Variants in ROBO1 observed in about 807,000 individuals in gnomAD.
ROBO1 encodes the protein roundabout homolog 1.
In ROBO1, 149 loss-of-function variants were observed where a neutral mutation model predicts 195.9. That is an observed-to-expected ratio of 0.76 (90% CI 0.67 to 0.87). ROBO1 has a LOEUF of 0.87. ROBO1 is among the 40% of genes least tolerant of loss of function. The pLI is 0.00. For synonymous variants in ROBO1, 816 were observed against 733.2 expected (o/e 1.11, Z -1.82); for missense variants, 1,933 against 2,068.3 (o/e 0.93, Z 1.27).
intron 2 of ROBO1, among the ~76,000 whole-genome samples, chr3:79,428,515 T>C (rs1468363580): frequency 6.6e-6 from 1 of 152,174 alleles, no homozygotes; most frequent in Non-Finnish European, 1.5e-5. Context: ...GTATATTCTC[T>C]GGTATATTTT....
At chr3:78,689,559 C>T (rs1159080646) in intron 8 of ROBO1, among the ~76,000 whole-genome samples, 1 of 151,716 alleles carries the variant, frequency 6.6e-6, no homozygotes, top group East Asian at 1.9e-4. Flanking sequence ...TTGGGCTGAG[C>T]TTTGTGCTCG....
intron 3 of ROBO1, among the ~76,000 whole-genome samples, chr3:79,038,714 TAA>T (rs202213711): frequency 1.8e-4 from 24 of 134,086 alleles, no homozygotes; most frequent in African/African-American, 5.8e-4. Context: ...AAGTCCAATT[TAA>T]AAAAAAAAAA....
chr3:78,700,378 ATCTG>A (rs2081392578), intron 8 of ROBO1, among the ~76,000 whole-genome samples: 1 of 152,172 alleles, frequency 6.6e-6, no homozygotes, highest in Non-Finnish European at 1.5e-5. Context: ...GAATTGGTTT[ATCTG>A]AAAAACTGGA....
At chr3:78,625,308 G>A (rs1172180934) in intron 26 of ROBO1, among the ~76,000 whole-genome samples, 1 of 152,146 alleles carries the variant, frequency 6.6e-6, no homozygotes, top group Non-Finnish European at 1.5e-5. Flanking sequence ...GGATAACTAA[G>A]CTGATTTCAA....
chr3:79,114,316 G>A (rs1289646744), intron 3 of ROBO1, among the ~76,000 whole-genome samples: 1 of 152,142 alleles, frequency 6.6e-6, no homozygotes. Context: ...AATCAACAGA[G>A]ACCTTGGCAC....
chr3:78,759,008 G>A (rs1366341341), intron 4 of ROBO1: 1 of 152,258 alleles, frequency 6.6e-6, no homozygotes, highest in Non-Finnish European at 1.5e-5. Context: ...TGCGAGAGCT[G>A]TGATGGACAC....
rs370903914 is a variant in ROBO1, at chr3:78,898,411, G to A, written c.499+40190C>T. Among the ~76,000 whole-genome samples the A allele has an allele frequency of 1.6e-4, 20 of 122,966 alleles. No individual in the cohort carries two copies. The East Asian group carries it at 1.7e-3, about 10-fold the overall frequency. The allele number at this position is 122,966 out of a possible 152,430, so 80.7% of individuals were successfully genotyped here. ...TTTTTTTTTTTTTTTTTTTTGAGAC[G>A]GAGTCTTGCTCTGTCGCCCAGGCTG... is the stretch of plus-strand genomic sequence containing the variant. On this transcript the variant is annotated intron_variant, in intron 4 of 30. Transcript: ENST00000464233.
At chr3:79,109,349 C>A (rs1043000661) in intron 3 of ROBO1, among the ~76,000 whole-genome samples, 1 of 151,870 alleles carries the variant, frequency 6.6e-6, no homozygotes, top group Non-Finnish European at 1.5e-5. Context: ...TCTCAAAACT[C>A]TTTTATCTCA....
intron 2 of ROBO1, among the ~76,000 whole-genome samples, chr3:79,457,289 G>C (rs1559913010): frequency 6.6e-6 from 1 of 151,970 alleles, no homozygotes; most frequent in Non-Finnish European, 1.5e-5. Flanking sequence ...TATATAATCT[G>C]TTTTACCATA....
At chr3:79,128,713 G>A (rs895671357) in intron 2 of ROBO1, among the ~76,000 whole-genome samples, 4 of 152,098 alleles carry the variant, frequency 2.6e-5, no homozygotes, top group South Asian at 2.1e-4. Flanking sequence ...AACAATCTTC[G>A]ATGAGACGTA....
chr3:79,271,748 G>A (rs1202887905), intron 2 of ROBO1, among the ~76,000 whole-genome samples: 1 of 151,716 alleles, frequency 6.6e-6, no homozygotes, highest in East Asian at 1.9e-4. Flanking sequence ...TTTCATCTAA[G>A]GTTTATATAA....
chr3:78,996,810 C>G (rs2077378720), intron 3 of ROBO1, among the ~76,000 whole-genome samples: 2 of 152,100 alleles, frequency 1.3e-5, no homozygotes, highest in African/African-American at 2.4e-5. Context: ...TGTGTGTACA[C>G]AGATACATAA....
chr3:78,967,073 G>A (rs575591182), intron 3 of ROBO1, among the ~76,000 whole-genome samples: 1 of 152,146 alleles, frequency 6.6e-6, no homozygotes, highest in East Asian at 1.9e-4. Flanking sequence ...ATAAATGCTA[G>A]GTATCCAGTT....
rs1223973869 is a variant in ROBO1 at position 78,746,800 on chromosome 3, G to A, written c.600C>T (p.Pro200=). The change falls in exon 5 of 31, where the codon CCC becomes CCT. Residue 200 remains proline, a synonymous_variant. Transcript: ENST00000464233. ...AGCCATCTTTCTTCCATGAAATGGT[G>A]GGCTCAGGATGGCCTCGTGGAGGTT... is the stretch of plus-strand genomic sequence containing the variant. ...ECQPPRGHPE[P]TISWKKDGSP... 1 of 1,588,626 alleles carries A rather than the reference G, an allele frequency of 6.3e-7. No homozygotes were observed. The highest frequency in any genetic ancestry group is 8.6e-7 in the Non-Finnish European group (1 of 1,162,860).
chr3:79,550,176 A>G (rs1216133309), intron 2 of ROBO1, among the ~76,000 whole-genome samples: 1 of 106,334 alleles, frequency 9.4e-6, no homozygotes, highest in South Asian at 3.0e-4. Flanking sequence ...AGGAAGAAAG[A>G]AAGAAAGAAA....
chr3:79,741,594 G>T (rs1416584165), intron 1 of ROBO1, among the ~76,000 whole-genome samples: 1 of 152,152 alleles, frequency 6.6e-6, no homozygotes, highest in Non-Finnish European at 1.5e-5. Context: ...AACCAAAGAT[G>T]CTTGATAAAA....
intron 2 of ROBO1, among the ~76,000 whole-genome samples, chr3:79,368,889 G>A (rs571692797): frequency 2.6e-5 from 4 of 152,116 alleles, no homozygotes; most frequent in African/African-American, 9.7e-5. Flanking sequence ...CATGATGAAA[G>A]AGTTTTTCAA....
At chr3:78,748,692 A>C (rs2082717649) in intron 4 of ROBO1, among the ~76,000 whole-genome samples, 1 of 152,008 alleles carries the variant, frequency 6.6e-6, no homozygotes, top group South Asian at 2.1e-4. Flanking sequence ...CCTCAATTCC[A>C]ACCAACTAGA....
intron 4 of ROBO1, among the ~76,000 whole-genome samples, chr3:78,871,395 T>G (rs554456923): frequency 1.1e-4 from 17 of 152,314 alleles, no homozygotes; most frequent in Admixed American, 3.3e-4. Flanking sequence ...GTTTTCATCC[T>G]TTCTATTGGT....
Sources: allele counts gnomAD v4.1 joint callset (sites outside exome capture counted in the v4.1 genomes callset), GRCh38; gene constraint gnomAD v4.1.1; transcripts MANE v1.5; gene names NCBI Gene and HGNC (gene_info 2026-07-23, HGNC 2026-07-21).